SLBP: variants seen among roughly 807,000 people sequenced by gnomAD.
The protein encoded by SLBP is histone RNA hairpin-binding protein.
A neutral mutation model predicts 39.2 loss-of-function variants in SLBP; 29 were observed. The observed-to-expected ratio is 0.74, with a 90% confidence interval of 0.55 to 1.01. SLBP has a LOEUF of 1.01. Ranked by LOEUF, SLBP falls within the 50% of genes least tolerant of loss-of-function variation. The pLI is 0.00. For missense variants in SLBP, 390 were observed against 350.2 expected (o/e 1.11, Z -0.91); for synonymous variants, 129 against 118.7 (o/e 1.09, Z -0.57).
intron 2 of SLBP, among the ~76,000 whole-genome samples, chr4:1,709,885 G>A (rs1716671881): frequency 1.3e-5 from 2 of 152,220 alleles, no homozygotes; most frequent in South Asian, 2.1e-4. Context: ...TGGGATTACA[G>A]GCATGAGCCA....
At chr4:1,702,422 T>C (rs1168463016) in intron 3 of SLBP, among the ~76,000 whole-genome samples, 1 of 152,232 alleles carries the variant, frequency 6.6e-6, no homozygotes, top group Non-Finnish European at 1.5e-5. Flanking sequence ...GAGGCTGATA[T>C]AAATACCATC....
At position 1,712,228 on chromosome 4, in the gene SLBP, A is replaced by AGGCGGC. The variant is rs943956159; in HGVS notation, c.-46_-41dup. 6.6e-6 allele frequency: 8 copies of AGGCGGC among 1,217,008 alleles called. No homozygotes were observed. The highest frequency in any genetic ancestry group is 1.6e-5 in the African/African-American group (1 of 62,478). 75.4% of individuals were successfully genotyped at this position (1,217,008 alleles called of 1,614,324 possible). A position where few individuals can be genotyped will look rare whatever the true frequency, so the allele number is the denominator to read the frequency against. ...GGCGCGCAGCGCAGGGCCGAGGCTG[A>AGGCGGC]GGCGGCGGCGGCGCGGGCAGAGAGC... On this transcript the variant is annotated 5_prime_UTR_variant, in exon 1 of 8. Transcript: ENST00000489418.
Position 1,703,699 on chromosome 4 carries a change from A to G in SLBP, c.178T>C (p.Phe60Leu). Residue 60 changes from phenylalanine (F) to leucine (L), a missense_variant and splice_region_variant, in exon 3 of 8, where the codon TTT becomes CTT. Transcript: ENST00000489418. ...HRGAERRPES[F>L]TTPEGPKPRS... ...GGTTTAGGGCCTTCAGGAGTGGTAA[A>G]GCTGCAATAAAAGGAAAATGCTACT... is the stretch of plus-strand genomic sequence containing the variant. 1 of 1,603,162 alleles carries G rather than the reference A, an allele frequency of 6.2e-7. No homozygotes were observed. Among genetic ancestry groups the G allele is most frequent in the Non-Finnish European group, 8.5e-7 (1 of 1,169,986 alleles).
Position 1,712,269 on chromosome 4 carries a change from G to C in SLBP, c.-81C>G, listed in dbSNP as rs772410382. On this transcript the variant is annotated 5_prime_UTR_variant, in exon 1 of 8. Transcript: ENST00000489418. ...GGCAGAGAGCGCAGAGTAGAGCAGGGCAGGGCCTGAGGCAGAAACCCGCGT... is the reference window on the plus strand; with the variant it reads ...GGCAGAGAGCGCAGAGTAGAGCAGGCCAGGGCCTGAGGCAGAAACCCGCGT... 19 of 909,130 alleles carry C rather than the reference G, an allele frequency of 2.1e-5. No individual in the cohort carries two copies. Among genetic ancestry groups the C allele is most frequent in the South Asian group, 4.8e-5 (2 of 41,762 alleles). The allele number at this position is 909,130 out of a possible 1,614,324, so 56.3% of individuals were successfully genotyped here.
chr4:1,697,329 C>A (rs1716147891), intron 5 of SLBP, among the ~76,000 whole-genome samples: 1 of 151,324 alleles, frequency 6.6e-6, no homozygotes, highest in African/African-American at 2.4e-5. Flanking sequence ...ACTAGCCAGG[C>A]GTGGTGGTAG....
intron 7 of SLBP, 84 bp downstream of exon 7, chr4:1,694,690 C>A: frequency 9.6e-7 from 1 of 1,040,082 alleles, no homozygotes; most frequent in South Asian, 1.3e-5. Flanking sequence ...CGTGCCCAGT[C>A]CAAACTTCAG....
rs1716819281 is a variant in SLBP at position 1,712,306 on chromosome 4, C to T, written c.-118G>A. The T allele has an allele frequency of 6.9e-6, 4 of 577,980 alleles. No individual in the cohort carries two copies. The highest frequency in any genetic ancestry group is 4.4e-5 in the Admixed American group (1 of 22,890). The allele number at this position is 577,980 out of a possible 1,614,324, so 35.8% of individuals were successfully genotyped here. On this transcript the variant is annotated 5_prime_UTR_variant, in exon 1 of 8. Coordinates refer to ENST00000489418, the MANE Select transcript of SLBP (RefSeq NM_006527.4). Reference sequence around the variant, plus strand: ...GCAGAAACCCGCGTCCCCGCGCCGGCGCTCACGAGCTCTGCGCGCCCCGCC... The same window carrying T: ...GCAGAAACCCGCGTCCCCGCGCCGGTGCTCACGAGCTCTGCGCGCCCCGCC...
intron 2 of SLBP, among the ~76,000 whole-genome samples, chr4:1,709,050 T>G (rs1038529702): frequency 1.6e-4 from 24 of 151,808 alleles, no homozygotes; most frequent in Non-Finnish European, 3.1e-4. Context: ...TACCCACCCG[T>G]AGACCCAAGT....
intron 2 of SLBP, among the ~76,000 whole-genome samples, chr4:1,707,980 G>C (rs62285069): frequency 6.6e-6 from 1 of 151,626 alleles, no homozygotes; most frequent in Non-Finnish European, 1.5e-5. Flanking sequence ...TCAGGAGGCT[G>C]AGGCAGGAGA....
intron 3 of SLBP, among the ~76,000 whole-genome samples, chr4:1,702,083 A>G (rs550705185): frequency 1.3e-5 from 2 of 152,324 alleles, no homozygotes; most frequent in African/African-American, 4.8e-5. Context: ...TGGAATACGC[A>G]TGAATAAGAG....
intron 7 of SLBP, 141 bp from the exon 8 acceptor site, chr4:1,693,854 T>C (rs1716008159): frequency 6.2e-6 from 4 of 643,248 alleles, no homozygotes; most frequent in Non-Finnish European, 1.1e-5. Flanking sequence ...CTGAGACAGA[T>C]TTTAATAATA....
chr4:1,711,016 A>G (rs1285917277), intron 2 of SLBP, among the ~76,000 whole-genome samples: 2 of 143,378 alleles, frequency 1.4e-5, no homozygotes, highest in African/African-American at 5.3e-5. Context: ...GCGTCACCGC[A>G]CTCCAGCCTG....
chr4:1,712,272 G>C lies in SLBP; in HGVS notation c.-84C>G, dbSNP rs1468833769. The C allele has an allele frequency of 3.0e-5, 26 of 878,468 alleles. No homozygotes were observed. The highest frequency in any genetic ancestry group is 3.9e-5 in the Admixed American group (1 of 25,792). 54.4% of individuals were successfully genotyped at this position (878,468 alleles called of 1,614,324 possible). On this transcript the variant is annotated 5_prime_UTR_variant, in exon 1 of 8. Transcript: ENST00000489418. ...AGAGAGCGCAGAGTAGAGCAGGGCA[G>C]GGCCTGAGGCAGAAACCCGCGTCCC...
intron 3 of SLBP, among the ~76,000 whole-genome samples, chr4:1,700,701 A>G (rs890391341): frequency 1.3e-5 from 2 of 152,172 alleles, no homozygotes; most frequent in Non-Finnish European, 2.9e-5. Flanking sequence ...CTAGGACTCC[A>G]GGCAAGTGCC....
intron 3 of SLBP, among the ~76,000 whole-genome samples, chr4:1,703,015 G>A (rs1159951597): frequency 2.6e-5 from 4 of 152,032 alleles, no homozygotes; most frequent in Non-Finnish European, 4.4e-5. Flanking sequence ...GGGAGGCCGA[G>A]GTGGGCGGAT....
intron 2 of SLBP, among the ~76,000 whole-genome samples, chr4:1,709,720 T>TG (rs1716662570): frequency 6.6e-6 from 1 of 151,882 alleles, no homozygotes; most frequent in Admixed American, 6.6e-5. Context: ...CACACCATTC[T>TG]CCTGCCTCAG....
At chr4:1,706,855 G>A (rs957065901) in intron 2 of SLBP, among the ~76,000 whole-genome samples, 5 of 151,634 alleles carry the variant, frequency 3.3e-5, no homozygotes, top group African/African-American at 9.7e-5. Flanking sequence ...ATAATAGTCC[G>A]GGCGTGGTGG....
At chr4:1,702,055 C>G (rs1560250853) in intron 3 of SLBP, among the ~76,000 whole-genome samples, 1 of 152,154 alleles carries the variant, frequency 6.6e-6, no homozygotes, top group East Asian at 1.9e-4. Context: ...GGTCCACTCA[C>G]AGGACAATCT....
intron 2 of SLBP, among the ~76,000 whole-genome samples, chr4:1,706,757 C>T (rs62285068): frequency 0.21 from 32,189 of 151,934 alleles, 3,733 homozygotes; most frequent in Non-Finnish European, 0.27. Context: ...AGTGATCCAC[C>T]AGGCGGAGTT....
Sources: allele counts gnomAD v4.1 joint callset (sites outside exome capture counted in the v4.1 genomes callset), GRCh38; gene constraint gnomAD v4.1.1; transcripts MANE v1.5; gene names NCBI Gene and HGNC (gene_info 2026-07-23, HGNC 2026-07-21).